FER1L6: variants seen among roughly 807,000 people sequenced by gnomAD.
FER1L6 encodes the protein fer-1-like protein 6.
FER1L6 carries 177 observed loss-of-function variants against 219.2 expected under a neutral mutation model. The ratio of observed to expected loss-of-function variants is 0.81; its 90% CI spans 0.71 to 0.91. FER1L6 has a LOEUF of 0.91. Ranked by LOEUF, FER1L6 falls within the 40% of genes least tolerant of loss-of-function variation. The pLI is 0.00. For synonymous variants in FER1L6, 768 were observed against 824.3 expected (o/e 0.93, Z 1.17); for missense variants, 2,153 against 2,259.9 (o/e 0.95, Z 0.96).
rs754174705 is a variant in FER1L6, at chr8:123,965,993, C to T, written c.198-14C>T. On this transcript the variant is annotated splice_polypyrimidine_tract_variant and intron_variant, in intron 3 of 40. Coordinates refer to ENST00000522917, the MANE Select transcript of FER1L6 (RefSeq NM_001039112.2). ...TCCTTGATGAAACAAACATATTAAA[C>T]TTTCTTTTAATAGATCAAAACTGTT... 2 of 1,605,498 alleles carry T rather than the reference C, an allele frequency of 1.2e-6. No individual in the cohort carries two copies. The highest frequency in any genetic ancestry group is 1.7e-6 in the Non-Finnish European group (2 of 1,173,166).
At chr8:123,953,034 G>A (rs1814840856) in intron 1 of FER1L6, among the ~76,000 whole-genome samples, 1 of 152,182 alleles carries the variant, frequency 6.6e-6, no homozygotes, top group Non-Finnish European at 1.5e-5. Flanking sequence ...AGGTGCCCAA[G>A]CTGAACCCTG....
At chr8:124,086,644 T>C (rs547366558) in intron 33 of FER1L6, among the ~76,000 whole-genome samples, 2 of 152,310 alleles carry the variant, frequency 1.3e-5, no homozygotes, top group African/African-American at 4.8e-5. Context: ...CTTAGTGTTA[T>C]AACATTGTGT....
Position 123,956,029 on chromosome 8 carries a change from A to G in FER1L6, c.31A>G (p.Asn11Asp), listed in dbSNP as rs765260439. 21 of 1,612,270 alleles carry G rather than the reference A, an allele frequency of 1.3e-5. No individual in the cohort carries two copies. The highest frequency in any genetic ancestry group is 1.7e-5 in the Non-Finnish European group (20 of 1,179,518). The change falls in exon 2 of 41, where the codon AAT becomes GAT. Residue 11 changes from asparagine (N) to aspartate (D), a missense_variant. Transcript: ENST00000522917. ...TGGGCTGAAGGTGAAGAAGAAGAGA[A>G]ATAAGGCAGAGAAGGGGTTAATCCT... MFGLKVKKKR[N>D]KAEKGLILAN...
chr8:123,907,628 C>A (rs1431840217), intron 1 of FER1L6, among the ~76,000 whole-genome samples: 1 of 150,434 alleles, frequency 6.6e-6, no homozygotes, highest in African/African-American at 2.4e-5. Context: ...GGGATTACTA[C>A]TCCCCAGTAT....
intron 1 of FER1L6, among the ~76,000 whole-genome samples, chr8:123,896,721 C>T (rs571305260): frequency 1.3e-5 from 2 of 152,266 alleles, no homozygotes; most frequent in East Asian, 3.9e-4. Flanking sequence ...TAAACCATGT[C>T]TGTGGTTGTC....
chr8:124,057,464 C>T (rs959509266), intron 22 of FER1L6, among the ~76,000 whole-genome samples: 8 of 151,902 alleles, frequency 5.3e-5, no homozygotes, highest in Non-Finnish European at 7.4e-5. Flanking sequence ...TTCATCTTGT[C>T]GGATTTTATA....
intron 16 of FER1L6, among the ~76,000 whole-genome samples, chr8:124,019,423 C>T (rs1353707807): frequency 1.3e-5 from 2 of 152,168 alleles, no homozygotes; most frequent in African/African-American, 4.8e-5. Context: ...TTGTTTTCAC[C>T]TCACCATGTA....
Position 124,062,042 on chromosome 8 carries a change from T to A in FER1L6, c.3328+10T>A, listed in dbSNP as rs750568660. Reference sequence around the variant, plus strand: ...ACCCAGCCTGGGCACGGTGAGAAGCTGCTCTTAGATTTTGTAGCTGTAACT... The same window carrying A: ...ACCCAGCCTGGGCACGGTGAGAAGCAGCTCTTAGATTTTGTAGCTGTAACT... On this transcript the variant is annotated intron_variant, in intron 25 of 40. Coordinates refer to ENST00000522917, the MANE Select transcript of FER1L6 (RefSeq NM_001039112.2). 6.2e-7 allele frequency: 1 copy of A among 1,613,784 alleles called. No individual in the cohort carries two copies. Among genetic ancestry groups the A allele is most frequent in the Non-Finnish European group, 8.5e-7 (1 of 1,179,722 alleles).
intron 1 of FER1L6, among the ~76,000 whole-genome samples, chr8:123,899,258 G>A (rs769652817): frequency 3.3e-5 from 5 of 152,054 alleles, no homozygotes; most frequent in Non-Finnish European, 5.9e-5. Context: ...GATCATTAGT[G>A]ATTTCAGCAT....
chr8:124,035,468 T>A lies in FER1L6; in HGVS notation c.2464+14T>A. On this transcript the variant is annotated intron_variant, in intron 19 of 40. Transcript: ENST00000522917. ...TGCTCTACCAAGGTAGGGTCCCCAC[T>A]GGGCAAAGAGGGTCATTCGAGGTCT... 1 of 1,603,460 alleles carries A rather than the reference T, an allele frequency of 6.2e-7. No individual in the cohort carries two copies. Among genetic ancestry groups the A allele is most frequent in the Non-Finnish European group, 8.5e-7 (1 of 1,175,242 alleles).
intron 1 of FER1L6, among the ~76,000 whole-genome samples, chr8:123,869,094 G>T (rs1816883679): frequency 1.3e-5 from 2 of 152,076 alleles, no homozygotes; most frequent in Admixed American, 6.6e-5. Context: ...TTTTCCTAAA[G>T]ACATAATGAA....
intron 1 of FER1L6, among the ~76,000 whole-genome samples, chr8:123,911,738 G>A (rs2129771431): frequency 6.6e-6 from 1 of 152,272 alleles, no homozygotes; most frequent in South Asian, 2.1e-4. Context: ...CCGAGAGCAT[G>A]CAGCTAGTTA....
At chr8:124,037,456 G>A (rs1819270959) in intron 19 of FER1L6, among the ~76,000 whole-genome samples, 1 of 152,184 alleles carries the variant, frequency 6.6e-6, no homozygotes, top group Non-Finnish European at 1.5e-5. Flanking sequence ...GTTTTGTGAG[G>A]GTTTATTGGT....
In FER1L6 at chr8:123,888,740, G is replaced by A. The variant is rs142646667; in HGVS notation, c.-8+36555G>A. Among the ~76,000 whole-genome samples the A allele has an allele frequency of 2.4e-3, 373 of 152,302 alleles. 1 individual carries two copies. The highest frequency in any genetic ancestry group is 8.4e-3 in the African/African-American group (350 of 41,574). ...GCTGTGTGAACATGTTCGTAGACTG[G>A]TGAGTTTGTACTGCTATTTCATGGC... On this transcript the variant is annotated intron_variant, in intron 1 of 40. Coordinates refer to ENST00000522917, the MANE Select transcript of FER1L6 (RefSeq NM_001039112.2).
At chr8:123,980,370 C>A in intron 10 of FER1L6, 95 bp from the exon 11 acceptor site, 1 of 1,007,390 alleles carries the variant, frequency 9.9e-7, no homozygotes, top group Non-Finnish European at 1.5e-6. Flanking sequence ...TATTTTCTTT[C>A]GTCTTTCTTG....
intron 1 of FER1L6, among the ~76,000 whole-genome samples, chr8:123,859,234 T>A (rs1477748594): frequency 6.6e-6 from 1 of 152,168 alleles, no homozygotes; most frequent in African/African-American, 2.4e-5. Context: ...CTCCTGAGCT[T>A]AAGCAGTCTG....
intron 14 of FER1L6, among the ~76,000 whole-genome samples, chr8:124,012,478 A>T (rs1215552287): frequency 2.6e-5 from 4 of 152,250 alleles, no homozygotes; most frequent in Non-Finnish European, 5.9e-5. Context: ...CATCCCTGCC[A>T]TGCTTGGCAT....
chr8:123,936,462 GTTTTTTTTTTT>G (rs779012175), intron 1 of FER1L6, among the ~76,000 whole-genome samples: 4 of 97,928 alleles, frequency 4.1e-5, no homozygotes, highest in African/African-American at 7.8e-5. Flanking sequence ...ATTGCAGCCT[GTTTTTTTTTTT>G]TTTTTTTTTT....
At chr8:124,094,810 G>T in intron 34 of FER1L6, 86 bp from the exon 35 acceptor site, 1 of 1,426,350 alleles carries the variant, frequency 7.0e-7, no homozygotes, top group Non-Finnish European at 9.9e-7. Context: ...AAATAAGCCT[G>T]TAAGTGTTTA....
Sources: gnomAD v4.1 joint callset for allele counts (sites outside exome capture counted in the v4.1 genomes callset) on GRCh38, gnomAD v4.1.1 for gene constraint, MANE v1.5 for transcripts, NCBI Gene and HGNC (gene_info 2026-07-23, HGNC 2026-07-21) for gene names.